Variants in SNTB1 observed in about 807,000 individuals in gnomAD.
The protein encoded by SNTB1 is beta-1-syntrophin.
In SNTB1, 36 loss-of-function variants were observed where a neutral mutation model predicts 48.9. The ratio of observed to expected loss-of-function variants is 0.74; its 90% CI spans 0.56 to 0.97. The LOEUF is 0.97. Ranked by LOEUF, SNTB1 falls within the 50% of genes least tolerant of loss-of-function variation. SNTB1 has a pLI of 0.00. For synonymous variants in SNTB1, 299 were observed against 294.6 expected, an observed-to-expected ratio of 1.01 and a Z score of -0.15; for missense variants, 786 against 703.4, an observed-to-expected ratio of 1.12 and a Z score of -1.33.
intron 2 of SNTB1, among the ~76,000 whole-genome samples, chr8:120,678,779 T>A (rs1213369315): frequency 6.6e-6 from 1 of 152,208 alleles, no homozygotes; most frequent in Non-Finnish European, 1.5e-5. Flanking sequence ...GTGACTTTTT[T>A]TTTTTGCCTC....
At chr8:120,577,006 A>G (rs1416213704) in intron 3 of SNTB1, among the ~76,000 whole-genome samples, 1 of 152,206 alleles carries the variant, frequency 6.6e-6, no homozygotes, top group East Asian at 1.9e-4. Context: ...GTCAGACACC[A>G]ATTTTTGAAC....
At chr8:120,617,674 G>T (rs10102980) in intron 3 of SNTB1, among the ~76,000 whole-genome samples, 58,006 of 152,028 alleles carry the variant, frequency 0.38, 12,882 homozygotes, top group African/African-American at 0.62. Context: ...CAGCCTTGGT[G>T]GGCATAATAG....
intron 1 of SNTB1, among the ~76,000 whole-genome samples, chr8:120,784,071 G>A (rs938028759): frequency 6.6e-6 from 1 of 151,992 alleles, no homozygotes; most frequent in Admixed American, 6.6e-5. Context: ...TCTGCTCACT[G>A]CAACCTCCAC....
intron 3 of SNTB1, among the ~76,000 whole-genome samples, chr8:120,609,645 A>G (rs2130729177): frequency 1.3e-5 from 2 of 152,400 alleles, no homozygotes; most frequent in Middle Eastern, 6.8e-3. Flanking sequence ...AATAGTTTTT[A>G]CAATGAGTAC....
chr8:120,809,059 A>G (rs1047516269), intron 1 of SNTB1, among the ~76,000 whole-genome samples: 3 of 152,218 alleles, frequency 2.0e-5, no homozygotes, highest in African/African-American at 7.2e-5. Flanking sequence ...GTCTTCTTAA[A>G]AAGCCCTTGA....
intron 1 of SNTB1, among the ~76,000 whole-genome samples, chr8:120,744,732 C>A (rs552335748): frequency 2.0e-5 from 3 of 152,270 alleles, no homozygotes; most frequent in Admixed American, 1.3e-4. Flanking sequence ...CCAAAACAAG[C>A]AGCAACTGCA....
chr8:120,655,075 G>A lies in SNTB1; in HGVS notation c.789-22424C>T, dbSNP rs1214861374. ...CTCAACAGACAAATAAATAACAGTGGTTAACTCTAGATCATGACATTTTGG... is the reference window on the plus strand; with the variant it reads ...CTCAACAGACAAATAAATAACAGTGATTAACTCTAGATCATGACATTTTGG... On this transcript the variant is annotated intron_variant, in intron 2 of 6. Transcript: ENST00000517992. The A allele has an allele frequency of 6.8e-6, 3 of 440,606 alleles. 1 individual carries two copies. In the East Asian group the frequency reaches 2.2e-4, roughly 33 times the overall value. 27.3% of individuals were successfully genotyped at this position (440,606 alleles called of 1,614,324 possible). A position where few individuals can be genotyped will look rare whatever the true frequency, so the allele number is the denominator to read the frequency against.
chr8:120,547,090 G>T (rs1327979280), intron 5 of SNTB1, among the ~76,000 whole-genome samples: 2 of 152,150 alleles, frequency 1.3e-5, no homozygotes, highest in African/African-American at 2.4e-5. Flanking sequence ...TTGAGAATTT[G>T]CTTCCTGATT....
chr8:120,607,335 T>G (rs186971060), intron 3 of SNTB1, among the ~76,000 whole-genome samples: 2 of 152,364 alleles, frequency 1.3e-5, no homozygotes, highest in Admixed American at 6.5e-5. Context: ...CATTAATCTA[T>G]AAATTTAATG....
intron 1 of SNTB1, among the ~76,000 whole-genome samples, chr8:120,759,584 T>C (rs1204637115): frequency 6.6e-6 from 1 of 152,136 alleles, no homozygotes; most frequent in Admixed American, 6.5e-5. Context: ...AGCTGAAACT[T>C]CTCAGTTCTC....
At chr8:120,678,031 C>A (rs1467821893) in intron 2 of SNTB1, among the ~76,000 whole-genome samples, 2 of 151,952 alleles carry the variant, frequency 1.3e-5, no homozygotes, top group Non-Finnish European at 2.9e-5. Flanking sequence ...CACTGCTTGG[C>A]CTTTATTGTG....
intron 1 of SNTB1, among the ~76,000 whole-genome samples, chr8:120,774,723 C>G (rs1490809124): frequency 6.6e-6 from 1 of 152,134 alleles, no homozygotes; most frequent in Admixed American, 6.5e-5. Context: ...GGCACAACCT[C>G]GGCTCACTGT....
At chr8:120,638,514 T>A (rs1368344873) in intron 2 of SNTB1, among the ~76,000 whole-genome samples, 1 of 152,148 alleles carries the variant, frequency 6.6e-6, no homozygotes, top group Non-Finnish European at 1.5e-5. Context: ...CATTAACTCA[T>A]CATTTACATT....
intron 3 of SNTB1, among the ~76,000 whole-genome samples, chr8:120,593,612 G>C (rs978710922): frequency 2.0e-5 from 3 of 152,178 alleles, no homozygotes; most frequent in African/African-American, 7.2e-5. Context: ...TTACAGGAGG[G>C]TTAGGGCTTT....
chr8:120,749,418 C>T lies in SNTB1; in HGVS notation c.572-55510G>A, dbSNP rs75640418. Among the ~76,000 whole-genome samples, 282 of 152,264 alleles carry T rather than the reference C, an allele frequency of 1.9e-3. 11 individuals carry two copies. The East Asian group carries it at 0.05, about 27-fold the overall frequency. On this transcript the variant is annotated intron_variant, in intron 1 of 6. Coordinates refer to ENST00000517992, the MANE Select transcript of SNTB1 (RefSeq NM_021021.4). ...GCCAAACTGCTTACTGAAAAGTCAA[C>T]TTATTTTAAGGAGGCTACTTAAATA...
chr8:120,580,193 C>T (rs573966042), intron 3 of SNTB1, among the ~76,000 whole-genome samples: 1 of 152,300 alleles, frequency 6.6e-6, no homozygotes, highest in South Asian at 2.1e-4. Flanking sequence ...ACGGGGGTCT[C>T]TTTTTCTCGC....
At chr8:120,689,520 G>T (rs1051129792) in intron 2 of SNTB1, among the ~76,000 whole-genome samples, 3 of 152,132 alleles carry the variant, frequency 2.0e-5, no homozygotes, top group Admixed American at 1.3e-4. Context: ...ATGGTTATTT[G>T]AATTAAATGA....
At chr8:120,764,225 G>A (rs180788733) in intron 1 of SNTB1, among the ~76,000 whole-genome samples, 5 of 152,194 alleles carry the variant, frequency 3.3e-5, no homozygotes, top group Non-Finnish European at 7.4e-5. Flanking sequence ...ATAAATAATG[G>A]TATATCCATG....
At chr8:120,787,169 A>G (rs1341766621) in intron 1 of SNTB1, among the ~76,000 whole-genome samples, 1 of 152,214 alleles carries the variant, frequency 6.6e-6, no homozygotes, top group Non-Finnish European at 1.5e-5. Flanking sequence ...GGTGACAATA[A>G]CCTATAAACA....
Sources: gnomAD v4.1 joint callset for allele counts (sites outside exome capture counted in the v4.1 genomes callset) on GRCh38, gnomAD v4.1.1 for gene constraint, MANE v1.5 for transcripts, NCBI Gene and HGNC (gene_info 2026-07-23, HGNC 2026-07-21) for gene names.